ARHGEF10: variants seen among roughly 807,000 people sequenced by gnomAD.
The protein encoded by ARHGEF10 is Rho guanine nucleotide exchange factor (GEF) 10.
In ARHGEF10, 140 loss-of-function variants were observed where a neutral mutation model predicts 147.4. The observed-to-expected ratio is 0.95, with a 90% CI of 0.83 to 1.09. ARHGEF10 has a LOEUF of 1.09. Ranked by LOEUF, ARHGEF10 falls within the 50% of genes least tolerant of loss-of-function variation. The pLI is 0.00. For synonymous variants in ARHGEF10, 902 were observed against 695.8 expected, an observed-to-expected ratio of 1.30 and a Z score of -4.67; for missense variants, 2,222 against 1,752.7, an observed-to-expected ratio of 1.27 and a Z score of -4.78.
chr8:1,834,463 C>T (rs556348401), intron 1 of ARHGEF10, among the ~76,000 whole-genome samples: 21 of 152,238 alleles, frequency 1.4e-4, no homozygotes, highest in South Asian at 4.1e-4. Flanking sequence ...GGGTGCCATG[C>T]GCCCTGAGAC....
chr8:1,862,086 A>C (rs942491963), intron 4 of ARHGEF10, among the ~76,000 whole-genome samples: 3 of 152,170 alleles, frequency 2.0e-5, no homozygotes, highest in East Asian at 3.9e-4. Flanking sequence ...TTGATCATTG[A>C]ATGAGGGATG....
chr8:1,874,068 A>C (rs4242521), intron 7 of ARHGEF10, among the ~76,000 whole-genome samples: 1 of 152,070 alleles, frequency 6.6e-6, no homozygotes, highest in African/African-American at 2.4e-5. Context: ...TTGGTCAGAA[A>C]ACACATGCCA....
intron 15 of ARHGEF10, among the ~76,000 whole-genome samples, chr8:1,900,881 C>G (rs3758013): frequency 0.66 from 99,996 of 152,014 alleles, 33,042 homozygotes; most frequent in East Asian, 0.86. Context: ...TAGAATTTCC[C>G]ACACAGGGTC....
At chr8:1,830,137 C>T (rs1370942009) in intron 1 of ARHGEF10, among the ~76,000 whole-genome samples, 1 of 152,250 alleles carries the variant, frequency 6.6e-6, no homozygotes, top group Non-Finnish European at 1.5e-5. Context: ...GCAAGGACTC[C>T]TGGTGACAAG....
intron 11 of ARHGEF10, among the ~76,000 whole-genome samples, chr8:1,888,650 G>C (rs1563235443): frequency 7.6e-6 from 1 of 132,096 alleles, no homozygotes. Flanking sequence ...TAAGGGTCCT[G>C]AGGAAACACT....
At chr8:1,882,917 C>T (rs1410360172) in intron 10 of ARHGEF10, among the ~76,000 whole-genome samples, 168 bp downstream of exon 10, 2 of 152,218 alleles carry the variant, frequency 1.3e-5, no homozygotes, top group Non-Finnish European at 2.9e-5. Flanking sequence ...ACCCCAGCCT[C>T]CCCGTCCTGC....
chr8:1,945,868 T>C lies in ARHGEF10; in HGVS notation c.3397+213T>C, dbSNP rs1814539437. ...AGCGCTTCCCGGTGCAGGGCACAGG[T>C]CCTGAAGGAGCCGCGTGCTGGGAGG... is the stretch of plus-strand genomic sequence containing the variant. On this transcript the variant is annotated intron_variant, in intron 27 of 28. Transcript: ENST00000349830. 3 of 349,818 alleles carry C rather than the reference T, an allele frequency of 8.6e-6. No homozygotes were observed. In the Admixed American group the frequency reaches 2.2e-4, roughly 25 times the overall value. The allele number at this position is 349,818 out of a possible 1,614,324, so 21.7% of individuals were successfully genotyped here.
At position 1,858,114 on chromosome 8, in the gene ARHGEF10, A is replaced by C; in HGVS notation, c.192A>C (p.Thr64=). The C allele has an allele frequency of 6.2e-7, 1 of 1,613,540 alleles. No individual in the cohort carries two copies. The highest frequency in any genetic ancestry group is 8.5e-7 in the Non-Finnish European group (1 of 1,179,720). The part of the protein sequence containing the change: ...GAGASEAPAP[T]GGEDGAGAET... ...GAGCCAGTGAAGCCCCTGCACCCAC[A>C]GGTGAGTTTCCAGGAGGGTCCCCAG... The change falls in exon 3 of 29, where the codon ACA becomes ACC. Residue 64 remains threonine, a splice_region_variant and synonymous_variant. Transcript: ENST00000349830.
chr8:1,834,807 C>T (rs1055984687), intron 1 of ARHGEF10, among the ~76,000 whole-genome samples: 18 of 152,176 alleles, frequency 1.2e-4, no homozygotes, highest in Admixed American at 3.3e-4. Flanking sequence ...TGAAATCAAT[C>T]GGGTGCAGAA....
intron 18 of ARHGEF10, among the ~76,000 whole-genome samples, chr8:1,910,115 A>G (rs1332075387): frequency 1.3e-5 from 2 of 152,114 alleles, no homozygotes; most frequent in African/African-American, 2.4e-5. Context: ...CCAAAGAACG[A>G]CTGGCTAAGT....
chr8:1,901,360 A>G (rs1810445262), intron 15 of ARHGEF10, among the ~76,000 whole-genome samples: 1 of 152,040 alleles, frequency 6.6e-6, no homozygotes, highest in Non-Finnish European at 1.5e-5. Flanking sequence ...CTTCCTGGTT[A>G]GTGCTCCCAG....
chr8:1,908,305 G>C (rs891355144), intron 17 of ARHGEF10, among the ~76,000 whole-genome samples: 1 of 142,020 alleles, frequency 7.0e-6, no homozygotes, highest in East Asian at 2.0e-4. Flanking sequence ...ATCTCAGCTC[G>C]CTGCAAGCTC....
intron 15 of ARHGEF10, among the ~76,000 whole-genome samples, chr8:1,900,210 G>A (rs917253647): frequency 4.6e-5 from 7 of 152,002 alleles, no homozygotes; most frequent in African/African-American, 1.7e-4. Context: ...GGTTTTTTCC[G>A]AAATACATTC....
chr8:1,879,477 C>T (rs771519403), intron 8 of ARHGEF10, among the ~76,000 whole-genome samples: 2 of 152,078 alleles, frequency 1.3e-5, no homozygotes, highest in African/African-American at 2.4e-5. Context: ...TCCTGTCTAG[C>T]ACAGAGAAGA....
rs150598687 is a variant in ARHGEF10 at position 1,956,809 on chromosome 8, C to T, written c.3581C>T (p.Thr1194Met). ...CCTGTCAAATTCATCGTCCTGGCCA[C>T]GGCTCTGCACGAGAAAGACAAGGAC... ...NSPVKFIVLA[T>M]ALHEKDKDKS... The change falls in exon 29 of 29, where the codon ACG (threonine) becomes ATG (methionine). Residue 1194 changes from threonine to methionine, a missense_variant. Physicochemically the swap from Thr to Met is moderately conservative, Grantham distance 81. Transcript: ENST00000349830. 21 of 1,613,990 alleles carry T rather than the reference C, an allele frequency of 1.3e-5. No individual in the cohort carries two copies. Among genetic ancestry groups the T allele is most frequent in the East Asian group, 4.5e-5 (2 of 44,890 alleles).
intron 2 of ARHGEF10, among the ~76,000 whole-genome samples, chr8:1,854,956 G>A (rs976606071): frequency 6.6e-6 from 1 of 152,104 alleles, no homozygotes; most frequent in Non-Finnish European, 1.5e-5. Context: ...CCGGTCTCCC[G>A]GGGCTGGTGT....
chr8:1,902,060 C>T (rs1179813429), intron 15 of ARHGEF10, among the ~76,000 whole-genome samples: 1 of 151,910 alleles, frequency 6.6e-6, no homozygotes, highest in African/African-American at 2.4e-5. Context: ...TATACCTGTG[C>T]CATGGTGGGC....
chr8:1,849,260 T>C (rs1028040809), intron 2 of ARHGEF10, among the ~76,000 whole-genome samples: 1 of 151,812 alleles, frequency 6.6e-6, no homozygotes, highest in African/African-American at 2.4e-5. Context: ...AGACGGCAAA[T>C]GCTGAGAAGG....
At chr8:1,883,059 A>AT (rs538307852) in intron 10 of ARHGEF10, among the ~76,000 whole-genome samples, 242 of 152,302 alleles carry the variant, frequency 1.6e-3, no homozygotes, top group African/African-American at 4.7e-3. Flanking sequence ...TGGACTCTGT[A>AT]TTTATAGCAC....
Sources: gnomAD v4.1 joint callset for allele counts (sites outside exome capture counted in the v4.1 genomes callset) on GRCh38, gnomAD v4.1.1 for gene constraint, MANE v1.5 for transcripts, NCBI Gene and HGNC (gene_info 2026-07-23, HGNC 2026-07-21) for gene names.